Variants in PCDHB2 observed in about 807,000 individuals in gnomAD.
PCDHB2 encodes the protein protocadherin beta 2.
For synonymous variants in PCDHB2, 395 were observed against 464.9 expected, an observed-to-expected ratio of 0.85 and a Z score of 1.93; for missense variants, 914 against 1,023.1, an observed-to-expected ratio of 0.89 and a Z score of 1.45.
Position 141,095,471 on chromosome 5 carries a change from G to C in PCDHB2, c.681G>C (p.Thr227=), listed in dbSNP as rs1554271257. The C allele has an allele frequency of 7.4e-6, 12 of 1,614,020 alleles. No individual in the cohort carries two copies. The South Asian group carries it at 1.1e-4, about 15-fold the overall frequency. ...GCGGGAGTCCACCCAGGTCCGGCAC[G>C]GCCCTGGTACGGATTGAAGTTGTGG... The part of the protein sequence containing the change: ...LDGGSPPRSG[T]ALVRIEVVDI... The change falls in exon 1 of 1, where the codon ACG becomes ACC. Residue 227 remains threonine (T), a synonymous_variant. Transcript: ENST00000194155.
At position 141,096,213 on chromosome 5, in the gene PCDHB2, G is replaced by A; in HGVS notation, c.1423G>A (p.Val475Ile). Reference protein sequence around the residue: ...NNSPALHIGSVSATDRDSGTN... With the variant: ...NNSPALHIGSISATDRDSGTN... ...CAGCCCCGCCCTGCACATCGGCAGCGTCAGCGCCACAGACAGAGACTCGGG... is the reference window on the plus strand; with the variant it reads ...CAGCCCCGCCCTGCACATCGGCAGCATCAGCGCCACAGACAGAGACTCGGG... The change falls in exon 1 of 1, where the codon GTC becomes ATC. Residue 475 changes from valine to isoleucine, a missense_variant. Val to Ile is a conservative substitution (Grantham distance 29). Coordinates refer to ENST00000194155, the MANE Select transcript of PCDHB2 (RefSeq NM_018936.4). 1.2e-6 allele frequency: 2 copies of A among 1,612,998 alleles called. No homozygotes were observed. The highest frequency in any genetic ancestry group is 1.7e-6 in the Non-Finnish European group (2 of 1,180,012).
chr5:141,095,715 C>A lies in PCDHB2; in HGVS notation c.925C>A (p.Leu309Met), dbSNP rs561308879. The A allele has an allele frequency of 1.9e-6, 3 of 1,614,132 alleles. No homozygotes were observed. The South Asian group carries it at 3.3e-5, about 18-fold the overall frequency. Residue 309 changes from leucine to methionine, a missense_variant, in exon 1 of 1, where the codon CTG (leucine) becomes ATG (methionine). Coordinates refer to ENST00000194155, the MANE Select transcript of PCDHB2 (RefSeq NM_018936.4). Reference protein sequence around the residue: ...KSGELLLRQKLDFESIQTYTV... With the variant: ...KSGELLLRQKMDFESIQTYTV... ...GGGAGAACTGCTTTTAAGACAGAAA[C>A]TGGATTTCGAATCCATCCAGACATA...
At position 141,095,959 on chromosome 5, in the gene PCDHB2, A is replaced by G. The variant is rs781980509; in HGVS notation, c.1169A>G (p.Asp390Gly). The G allele has an allele frequency of 6.2e-6, 10 of 1,613,886 alleles. No homozygotes were observed. In the South Asian group the frequency reaches 9.9e-5, roughly 16 times the overall value. ...NGRMVCSIQD[D>G]LPFFLKPSVE... ...AGGATGGTGTGCTCCATCCAAGATGATCTTCCTTTTTTCTTGAAACCTTCT... is the reference window on the plus strand; with the variant it reads ...AGGATGGTGTGCTCCATCCAAGATGGTCTTCCTTTTTTCTTGAAACCTTCT... Residue 390 changes from aspartate (D) to glycine (G), a missense_variant, in exon 1 of 1, where the codon GAT becomes GGT. Physicochemically the swap from Asp to Gly is moderately conservative, Grantham distance 94. Transcript: ENST00000194155.
Position 141,097,293 on chromosome 5 carries a change from T to A in PCDHB2, c.*106T>A. 1 of 1,259,416 alleles carries A rather than the reference T, an allele frequency of 7.9e-7. No individual in the cohort carries two copies. The highest frequency in any genetic ancestry group is 1.1e-6 in the Non-Finnish European group (1 of 907,528). The allele number at this position is 1,259,416 out of a possible 1,614,324, so 78.0% of individuals were successfully genotyped here. A position where few individuals can be genotyped will look rare whatever the true frequency, so the allele number is the denominator to read the frequency against. ...CTCCTTTTATTAGAAAGTAACCATC[T>A]TATTCCAATTCTATGCATGTTACTG... On this transcript the variant is annotated 3_prime_UTR_variant, in exon 1 of 1. Transcript: ENST00000194155.
Position 141,094,759 on chromosome 5 carries a change from C to G in PCDHB2, c.-32C>G. 6.7e-7 allele frequency: 1 copy of G among 1,498,152 alleles called. No homozygotes were observed. The highest frequency in any genetic ancestry group is 9.0e-7 in the Non-Finnish European group (1 of 1,113,286). The allele number at this position is 1,498,152 out of a possible 1,614,324, so 92.8% of individuals were successfully genotyped here. ...GAGTTAGCGACAACGTGAGCCAGAG[C>G]TGGAGCACGTTTGGTGAGAGACCAG... On this transcript the variant is annotated 5_prime_UTR_variant, in exon 1 of 1. Transcript: ENST00000194155.
At position 141,097,764 on chromosome 5, in the gene PCDHB2, A is replaced by G. The variant is rs1554271797; in HGVS notation, c.*577A>G. ...GGCTGTAGTGGAGTGCAATGGCGCA[A>G]TCTCGGCTCGCCGCAACCTCTGCCT... On this transcript the variant is annotated 3_prime_UTR_variant, in exon 1 of 1. Coordinates refer to ENST00000194155, the MANE Select transcript of PCDHB2 (RefSeq NM_018936.4). The G allele has an allele frequency of 6.6e-6, 1 of 151,742 alleles. No individual in the cohort carries two copies. Among genetic ancestry groups the G allele is most frequent in the African/African-American group, 2.4e-5 (1 of 41,210 alleles). The allele number at this position is 151,742 out of a possible 1,614,324, so 9.4% of individuals were successfully genotyped here.
rs1751836069 is a variant in PCDHB2 at position 141,096,685 on chromosome 5, T to G, written c.1895T>G (p.Leu632Arg). 1 of 1,610,438 alleles carries G rather than the reference T, an allele frequency of 6.2e-7. No homozygotes were observed. The highest frequency in any genetic ancestry group is 8.5e-7 in the Non-Finnish European group (1 of 1,179,660). The change falls in exon 1 of 1, where the codon CTG becomes CGG. Residue 632 changes from leucine to arginine, a missense_variant. Physicochemically the swap from Leu to Arg is moderately radical, Grantham distance 102. Coordinates refer to ENST00000194155, the MANE Select transcript of PCDHB2 (RefSeq NM_018936.4). ...HNGEVRTARL[L>R]RERDAAKQRL... is the part of the protein sequence containing the mutation. ...GGCGAGGTGCGCACCGCCAGGCTGCTGAGGGAGCGCGACGCTGCCAAGCAG... is the reference window on the plus strand; with the variant it reads ...GGCGAGGTGCGCACCGCCAGGCTGCGGAGGGAGCGCGACGCTGCCAAGCAG...
rs1269837046 is a variant in PCDHB2 at position 141,094,876 on chromosome 5, G to C, written c.86G>C (p.Ser29Thr). The change falls in exon 1 of 1, where the codon AGT becomes ACT. Residue 29 changes from serine to threonine, a missense_variant. Physicochemically the swap from Ser to Thr is moderately conservative, Grantham distance 58 (BLOSUM62 1). Transcript: ENST00000194155. ...FFVLLGIAQA[S>T]CQPRHYSVAE... ...GTTTTGCTGGGCATAGCTCAGGCTA[G>C]TTGCCAGCCTAGGCACTATTCAGTG... The C allele has an allele frequency of 9.3e-6, 15 of 1,613,752 alleles. No individual in the cohort carries two copies. Among genetic ancestry groups the C allele is most frequent in the Non-Finnish European group, 1.2e-5 (14 of 1,179,972 alleles).
chr5:141,095,696 A>G lies in PCDHB2; in HGVS notation c.906A>G (p.Glu302=), dbSNP rs1398301862. 2 of 1,614,112 alleles carry G rather than the reference A, an allele frequency of 1.2e-6. No homozygotes were observed. Among genetic ancestry groups the G allele is most frequent in the Non-Finnish European group, 1.7e-6 (2 of 1,180,036 alleles). Residue 302 remains glutamate (E), a synonymous_variant, in exon 1 of 1, where the codon GAA becomes GAG. Transcript: ENST00000194155. ...KTFRLSAKSG[E]LLLRQKLDFE... ...TTCGATTAAGTGCAAAATCGGGAGA[A>G]CTGCTTTTAAGACAGAAACTGGATT...
In PCDHB2 at chr5:141,096,231, G is replaced by T. The variant is rs1751816486; in HGVS notation, c.1441G>T (p.Asp481Tyr). The T allele has an allele frequency of 5.6e-6, 9 of 1,613,080 alleles. No individual in the cohort carries two copies. The highest frequency in any genetic ancestry group is 6.8e-6 in the Non-Finnish European group (8 of 1,180,042). The change falls in exon 1 of 1, where the codon GAC becomes TAC. Residue 481 changes from aspartate to tyrosine, a missense_variant. Transcript: ENST00000194155. ...HIGSVSATDR[D>Y]SGTNAQVTYS... ...CGGCAGCGTCAGCGCCACAGACAGAGACTCGGGCACCAACGCCCAGGTCAC... is the reference window on the plus strand; with the variant it reads ...CGGCAGCGTCAGCGCCACAGACAGATACTCGGGCACCAACGCCCAGGTCAC...
rs1284086334 is a variant in PCDHB2 at position 141,095,655 on chromosome 5, G to T, written c.865G>T (p.Asp289Tyr). 1.2e-6 allele frequency: 2 copies of T among 1,614,066 alleles called. No individual in the cohort carries two copies. The highest frequency in any genetic ancestry group is 1.7e-5 in the Admixed American group (1 of 59,996). ...TTATGCATTTTCCCAAGCATCTGAA[G>T]ACATTCGCAAAACGTTTCGATTAAG... Reference protein sequence around the residue: ...ISYAFSQASEDIRKTFRLSAK... With the variant: ...ISYAFSQASEYIRKTFRLSAK... Residue 289 changes from aspartate to tyrosine, a missense_variant, in exon 1 of 1, where the codon GAC becomes TAC. Asp to Tyr is a radical substitution (Grantham distance 160). Transcript: ENST00000194155.
Position 141,095,830 on chromosome 5 carries a change from C to T in PCDHB2, c.1040C>T (p.Pro347Leu), listed in dbSNP as rs781930040. The T allele has an allele frequency of 1.2e-4, 201 of 1,613,962 alleles. No homozygotes were observed. The highest frequency in any genetic ancestry group is 1.7e-4 in the Non-Finnish European group (195 of 1,180,034). The change falls in exon 1 of 1, where the codon CCG becomes CTG. Residue 347 changes from proline (P) to leucine (L), a missense_variant. Pro to Leu is a moderately conservative substitution (Grantham distance 98, BLOSUM62 -3). Transcript: ENST00000194155. ...GTGATGGATTTGAATGACAATCCTC[C>T]GGAACTAACTATGTCGACACTTATC... ...VQVMDLNDNP[P>L]ELTMSTLINQ... is the part of the protein sequence containing the mutation.
Position 141,095,855 on chromosome 5 carries a change from C to T in PCDHB2, c.1065C>T (p.Ile355=), listed in dbSNP as rs1554271344. Residue 355 remains isoleucine (I), a synonymous_variant, in exon 1 of 1, where the codon ATC becomes ATT. Transcript: ENST00000194155. ...CGGAACTAACTATGTCGACACTTAT[C>T]AATCAGATCCCAGAAAACTTGCAGG... ...NPPELTMSTL[I]NQIPENLQDT... is the part of the protein sequence containing the mutation. 1 of 1,613,868 alleles carries T rather than the reference C, an allele frequency of 6.2e-7. No individual in the cohort carries two copies.
In PCDHB2 at chr5:141,095,904, G is replaced by A. The variant is rs1447096799; in HGVS notation, c.1114G>A (p.Val372Ile). 1 of 1,614,064 alleles carries A rather than the reference G, an allele frequency of 6.2e-7. No homozygotes were observed. The highest frequency in any genetic ancestry group is 8.5e-7 in the Non-Finnish European group (1 of 1,180,004). Reference protein sequence around the residue: ...LQDTLIAVFSVSDPDSGDNGR... With the variant: ...LQDTLIAVFSISDPDSGDNGR... ...GGACACCCTCATTGCTGTATTCAGC[G>A]TTTCAGATCCTGACTCCGGAGACAA... The change falls in exon 1 of 1, where the codon GTT becomes ATT. Residue 372 changes from valine (V) to isoleucine (I), a missense_variant. Val to Ile is a conservative substitution (Grantham distance 29). Transcript: ENST00000194155.
chr5:141,095,754 C>T lies in PCDHB2; in HGVS notation c.964C>T (p.Gln322Ter), dbSNP rs1554271324. Residue 322 changes from glutamine (Q) to a stop codon, truncating the protein, a stop_gained, in exon 1 of 1, where the codon CAG (glutamine) becomes TAG (stop). Coordinates refer to ENST00000194155, the MANE Select transcript of PCDHB2 (RefSeq NM_018936.4). LOFTEE classifies it low-confidence loss of function (END_TRUNC). ...ESIQTYTVNI[Q>*]ATDGGGLSGT... Reference sequence around the variant, plus strand: ...CATCCAGACATACACAGTAAATATTCAGGCGACAGATGGTGGGGGCCTATC... The same window carrying T: ...CATCCAGACATACACAGTAAATATTTAGGCGACAGATGGTGGGGGCCTATC... The T allele has an allele frequency of 1.9e-6, 3 of 1,614,136 alleles. No individual in the cohort carries two copies. The highest frequency in any genetic ancestry group is 1.7e-4 in the Middle Eastern group (1 of 6,060).
Position 141,095,044 on chromosome 5 carries a change from A to T in PCDHB2, c.254A>T (p.Asp85Val). 6.2e-7 allele frequency: 1 copy of T among 1,613,894 alleles called. No individual in the cohort carries two copies. Among genetic ancestry groups the T allele is most frequent in the Non-Finnish European group, 8.5e-7 (1 of 1,179,960 alleles). ...MHLQFDRQTG[D>V]LLLNEKLDRE... is the part of the protein sequence containing the mutation. ...TTGCAGTTCGATAGGCAGACCGGGGATTTGTTGTTAAATGAGAAATTGGAC... is the reference window on the plus strand; with the variant it reads ...TTGCAGTTCGATAGGCAGACCGGGGTTTTGTTGTTAAATGAGAAATTGGAC... The change falls in exon 1 of 1, where the codon GAT (aspartate) becomes GTT (valine). Residue 85 changes from aspartate (D) to valine (V), a missense_variant. Transcript: ENST00000194155.
In PCDHB2 at chr5:141,098,087, G is replaced by A. The variant is rs1427746384; in HGVS notation, c.*900G>A. ...AATTTTAACTGTTGGATTCTACAAG[G>A]CACTAACATCATAAGTGCTCTAATA... On this transcript the variant is annotated 3_prime_UTR_variant, in exon 1 of 1. Coordinates refer to ENST00000194155, the MANE Select transcript of PCDHB2 (RefSeq NM_018936.4). The A allele has an allele frequency of 6.6e-6, 1 of 152,088 alleles. No homozygotes were observed. Among genetic ancestry groups the A allele is most frequent in the Admixed American group, 6.5e-5 (1 of 15,278 alleles). 9.4% of individuals were successfully genotyped at this position (152,088 alleles called of 1,614,324 possible).
rs1284727830 is a variant in PCDHB2, at chr5:141,096,044, A to G, written c.1254A>G (p.Glu418=). 6.2e-7 allele frequency: 1 copy of G among 1,611,156 alleles called. No individual in the cohort carries two copies. The highest frequency in any genetic ancestry group is 1.3e-5 in the African/African-American group (1 of 74,980). ...CCCTGGACCGGGAGACCAGATCCGA[A>G]TACAACATCACCATCACCGTCACCG... ...STALDRETRS[E]YNITITVTDF... The change falls in exon 1 of 1, where the codon GAA becomes GAG. Residue 418 remains glutamate, a synonymous_variant. Coordinates refer to ENST00000194155, the MANE Select transcript of PCDHB2 (RefSeq NM_018936.4).
At position 141,098,478 on chromosome 5, in the gene PCDHB2, CT is replaced by C. The variant is rs782006231; in HGVS notation, c.*1292del. On this transcript the variant is annotated 3_prime_UTR_variant, in exon 1 of 1. Coordinates refer to ENST00000194155, the MANE Select transcript of PCDHB2 (RefSeq NM_018936.4). ...GCACCACTCACTCTATTTTTTTGCA[CT>C]GACTACTTCTATTTTTCCCCCTTTC... is the stretch of plus-strand genomic sequence containing the variant. The C allele has an allele frequency of 1.7e-4, 26 of 152,240 alleles. No individual in the cohort carries two copies. The highest frequency in any genetic ancestry group is 9.2e-4 in the Admixed American group (14 of 15,290). 9.4% of individuals were successfully genotyped at this position (152,240 alleles called of 1,614,324 possible). A position where few individuals can be genotyped will look rare whatever the true frequency, so the allele number is the denominator to read the frequency against.
Sources: allele counts gnomAD v4.1 joint callset, GRCh38; gene constraint gnomAD v4.1.1; transcripts MANE v1.5; gene names NCBI Gene and HGNC (gene_info 2026-07-23, HGNC 2026-07-21).